FXYD7: variants seen among roughly 807,000 people sequenced by gnomAD.
The protein encoded by FXYD7 is FXYD domain containing ion transport regulator 7.
A neutral mutation model predicts 15.3 loss-of-function variants in FXYD7; 7 were observed. The observed-to-expected ratio is 0.46, with a 90% CI of 0.26 to 0.86. FXYD7 has a LOEUF of 0.86. Ranked by LOEUF, FXYD7 falls within the 40% of genes least tolerant of loss-of-function variation. FXYD7 has a pLI of 0.16. For synonymous variants in FXYD7, 39 were observed against 39.3 expected (o/e 0.99, Z 0.03); for missense variants, 78 against 100.6 (o/e 0.78, Z 0.96).
At chr19:35,146,552 G>A (rs1319231263) in intron 1 of FXYD7, among the ~76,000 whole-genome samples, 9 of 152,170 alleles carry the variant, frequency 5.9e-5, no homozygotes, top group Admixed American at 5.9e-4. Context: ...GATGAAGATC[G>A]CACCCATATG....
In FXYD7 at chr19:35,143,513, G is replaced by GC. The variant is rs545450660; in HGVS notation, c.31+156dup. 1.3e-4 allele frequency: 81 copies of GC among 629,156 alleles called. No homozygotes were observed. Among genetic ancestry groups the GC allele is most frequent in the African/African-American group, 5.3e-4 (27 of 51,294 alleles). The allele number at this position is 629,156 out of a possible 1,614,324, so 39.0% of individuals were successfully genotyped here. On this transcript the variant is annotated intron_variant, in intron 1 of 5. Coordinates refer to ENST00000270310, the MANE Select transcript of FXYD7 (RefSeq NM_022006.2). The surrounding 1 kb of genome is among the most constrained non-coding windows in gnomAD (Gnocchi z 4.3). Reference sequence around the variant, plus strand: ...CTGTGGGCGGAAGCCCCTGTAATGCGCCCCCCCGATCGCCCCTCCGGGTCT... The same window carrying GC: ...CTGTGGGCGGAAGCCCCTGTAATGCGCCCCCCCCGATCGCCCCTCCGGGTCT...
chr19:35,153,886 C>T lies in FXYD7; in HGVS notation c.221-8C>T. ...TTCTAGTGGCTCACGCACCCCCTCT[C>T]TCCCCAGCCCCTGGTGGCGGCGGCG... On this transcript the variant is annotated splice_polypyrimidine_tract_variant and splice_region_variant and intron_variant, in intron 5 of 5. Transcript: ENST00000270310. 6.2e-7 allele frequency: 1 copy of T among 1,612,878 alleles called. No individual in the cohort carries two copies. The highest frequency in any genetic ancestry group is 8.5e-7 in the Non-Finnish European group (1 of 1,179,190).
At position 35,143,278 on chromosome 19, in the gene FXYD7, TG is replaced by T. The variant is rs2065275428; in HGVS notation, c.-55del. 1.4e-6 allele frequency: 2 copies of T among 1,435,268 alleles called. No homozygotes were observed. Among genetic ancestry groups the T allele is most frequent in the African/African-American group, 2.9e-5 (2 of 68,902 alleles). 88.9% of individuals were successfully genotyped at this position (1,435,268 alleles called of 1,614,324 possible). A position where few individuals can be genotyped will look rare whatever the true frequency, so the allele number is the denominator to read the frequency against. ...CACATCGGTCCGTCCTGCTTCCAGC[TG>T]CTGCAGCGCGCCTTCGCCGCCAAAG... On this transcript the variant is annotated 5_prime_UTR_variant, in exon 1 of 6. Coordinates refer to ENST00000270310, the MANE Select transcript of FXYD7 (RefSeq NM_022006.2). This position sits in a 1 kb window ranked among gnomAD's most constrained non-coding sequence, Gnocchi z 4.3.
intron 5 of FXYD7, among the ~76,000 whole-genome samples, chr19:35,152,610 G>C (rs1466348505): frequency 2.0e-5 from 3 of 152,204 alleles, no homozygotes; most frequent in African/African-American, 7.2e-5. Context: ...GGAGAAGAAA[G>C]CTGGGAAGAA....
At chr19:35,146,118 A>T (rs1042211681) in intron 1 of FXYD7, among the ~76,000 whole-genome samples, 5 of 151,340 alleles carry the variant, frequency 3.3e-5, no homozygotes, top group African/African-American at 1.2e-4. Flanking sequence ...ATTTTATAGC[A>T]CCATCACAAC....
intron 2 of FXYD7, chr19:35,149,432 C>A (rs1047888104): frequency 2.6e-5 from 5 of 190,906 alleles, no homozygotes; most frequent in African/African-American, 1.2e-4. Context: ...GACTACTCTA[C>A]TGGGATAGGC....
chr19:35,150,765 G>T (rs917009018), intron 2 of FXYD7, among the ~76,000 whole-genome samples: 1 of 152,138 alleles, frequency 6.6e-6, no homozygotes, highest in African/African-American at 2.4e-5. Flanking sequence ...ATGGGACTTT[G>T]AGGGCCCTAG....
chr19:35,151,399 G>A (rs374283792), intron 3 of FXYD7, 41 bp from the exon 4 acceptor site: 14 of 1,610,686 alleles, frequency 8.7e-6, no homozygotes, highest in Middle Eastern at 1.6e-4. Flanking sequence ...TATCCTACCC[G>A]CTATGTCCTG....
chr19:35,152,401 G>T (rs1471532986), intron 5 of FXYD7, among the ~76,000 whole-genome samples: 2 of 151,928 alleles, frequency 1.3e-5, no homozygotes, highest in Non-Finnish European at 2.9e-5. Context: ...GGAGCACTGA[G>T]GAAGACGGGG....
At chr19:35,152,100 C>T (rs1276875295) in intron 5 of FXYD7, among the ~76,000 whole-genome samples, 1 of 131,884 alleles carries the variant, frequency 7.6e-6, no homozygotes, top group Non-Finnish European at 1.5e-5. Flanking sequence ...GGTTGTGCCA[C>T]TCCACTCCAG....
chr19:35,148,959 C>T (rs1376364208), intron 2 of FXYD7: 1 of 664,396 alleles, frequency 1.5e-6, no homozygotes, highest in Admixed American at 2.1e-5. Flanking sequence ...GGGATCTGGG[C>T]TGGTGCCTTG....
intron 1 of FXYD7, 70 bp from the exon 2 acceptor site, chr19:35,148,624 T>TA (rs1196401256): frequency 2.2e-6 from 3 of 1,352,584 alleles, no homozygotes; most frequent in African/African-American, 1.5e-5. Context: ...ATCTGGATCC[T>TA]AAAAAATATT....
chr19:35,150,181 T>C (rs965331418), intron 2 of FXYD7, among the ~76,000 whole-genome samples: 4 of 152,182 alleles, frequency 2.6e-5, no homozygotes, highest in Non-Finnish European at 5.9e-5. Flanking sequence ...CCTCCCAAAG[T>C]GCTGAGATTA....
At chr19:35,151,712 G>A (rs1351321232) in intron 5 of FXYD7, 39 bp downstream of exon 5, 1 of 1,528,794 alleles carries the variant, frequency 6.5e-7, no homozygotes, top group Admixed American at 1.7e-5. Context: ...GAGAGTTTTA[G>A]GTGGGGCAGG....
At chr19:35,153,033 C>CTTTGTTTTTGTTTTTTTTT (rs1555737607) in intron 5 of FXYD7, among the ~76,000 whole-genome samples, 1 of 44,142 alleles carries the variant, frequency 2.3e-5, no homozygotes, top group East Asian at 7.4e-4. Flanking sequence ...TTTCACGTTC[C>CTTTGTTTTTGTTTTTTTTT]TTTTTTTTTT....
In FXYD7 at chr19:35,153,033, C is replaced by CTTTG. The variant is rs1555737607; in HGVS notation, c.221-858_221-857insGTTT. ...TTGGTGTGGAATTTGTTTCACGTTC[C>CTTTG]TTTTTTTTTTTTTTTTTTTTTTTTT... On this transcript the variant is annotated intron_variant, in intron 5 of 5. Transcript: ENST00000270310. Among the ~76,000 whole-genome samples, 63 of 44,140 alleles carry CTTTG rather than the reference C, an allele frequency of 1.4e-3. 9 individuals carry two copies. The highest frequency in any genetic ancestry group is 2.0e-3 in the Admixed American group (6 of 2,970). The allele number at this position is 44,140 out of a possible 152,430, so 29.0% of individuals were successfully genotyped here.
At chr19:35,146,814 C>G (rs1420855005) in intron 1 of FXYD7, among the ~76,000 whole-genome samples, 1 of 152,194 alleles carries the variant, frequency 6.6e-6, no homozygotes, top group Non-Finnish European at 1.5e-5. Context: ...TCAGCACCAA[C>G]CTAAGCCATC....
At chr19:35,151,136 G>T in intron 2 of FXYD7, 118 bp from the exon 3 acceptor site, 1 of 770,572 alleles carries the variant, frequency 1.3e-6, no homozygotes, top group South Asian at 1.4e-5. Context: ...GTCCAGCACA[G>T]TCCACAGCCT....
chr19:35,149,221 G>C (rs761540798), intron 2 of FXYD7: 12 of 353,858 alleles, frequency 3.4e-5, no homozygotes, highest in Non-Finnish European at 5.1e-5. Flanking sequence ...CCCCAGGCCT[G>C]GTAGATCGGG....
Sources: gnomAD v4.1 joint callset for allele counts (sites outside exome capture counted in the v4.1 genomes callset) on GRCh38, gnomAD v4.1.1 for gene constraint, Gnocchi (gnomAD v3.1) non-coding constraint, MANE v1.5 for transcripts, NCBI Gene and HGNC (gene_info 2026-07-23, HGNC 2026-07-21) for gene names.